The following ANKRD33B variants were observed in gnomAD, a reference collection of about 807,000 sequenced individuals.
The protein encoded by ANKRD33B is ankyrin repeat domain 33B, also known as ankyrin repeat domain-containing protein 33B.
A neutral mutation model predicts 21.5 loss-of-function variants in ANKRD33B; 6 were observed. That is an observed-to-expected ratio of 0.28 (90% CI 0.15 to 0.55). The LOEUF is 0.55. Among genes scored for constraint, ANKRD33B ranks in the 20% least tolerant of loss-of-function variants. The pLI is 0.94. For missense variants in ANKRD33B, 698 were observed against 747.2 expected, an observed-to-expected ratio of 0.93 and a Z score of 0.77; for synonymous variants, 347 against 342.4, an observed-to-expected ratio of 1.01 and a Z score of -0.15.
rs562743139 is a variant in ANKRD33B, at chr5:10,597,070, AAC to A, written c.367-21260_367-21259del. ...TAGCACTAAATATGGAAAGGAAAAA[AAC>A]ACTCCCAGCCACAACACACTGAAGT... On this transcript the variant is annotated intron_variant, in intron 1 of 3. Transcript: ENST00000296657. Among the ~76,000 whole-genome samples the A allele has an allele frequency of 2.6e-5, 4 of 152,270 alleles. No individual in the cohort carries two copies. In the East Asian group the frequency reaches 7.7e-4, roughly 29 times the overall value.
intron 1 of ANKRD33B, among the ~76,000 whole-genome samples, chr5:10,595,552 C>T (rs560077376): frequency 3.3e-5 from 5 of 152,176 alleles, no homozygotes; most frequent in Admixed American, 2.0e-4. Context: ...TCACAGCGAC[C>T]GGGGTTAGGA....
At position 10,570,005 on chromosome 5, in the gene ANKRD33B, T is replaced by C. The variant is rs146550564; in HGVS notation, c.366+5172T>C. 8.1e-4 allele frequency among the ~76,000 whole-genome samples: 124 copies of C among 152,284 alleles called. No homozygotes were observed. In the East Asian group the frequency reaches 0.022, roughly 27 times the overall value. On this transcript the variant is annotated intron_variant, in intron 1 of 3. Transcript: ENST00000296657. Reference sequence around the variant, plus strand: ...GATTCTCCCGACTCAGCCTCCTGAGTAGCTGGGATTACAGGCATGTGCCAC... The same window carrying C: ...GATTCTCCCGACTCAGCCTCCTGAGCAGCTGGGATTACAGGCATGTGCCAC...
Position 10,650,059 on chromosome 5 carries a change from C to T in ANKRD33B, c.1431C>T (p.Arg477=). The T allele has an allele frequency of 3.3e-6, 5 of 1,530,950 alleles. No homozygotes were observed. Among genetic ancestry groups the T allele is most frequent in the Non-Finnish European group, 4.4e-6 (5 of 1,143,600 alleles). 94.8% of individuals were successfully genotyped at this position (1,530,950 alleles called of 1,614,324 possible). A position where few individuals can be genotyped will look rare whatever the true frequency, so the allele number is the denominator to read the frequency against. ...KRKAEEAEKK[R]QAEAQKERRT... ...AGGCAGAGGAGGCCGAAAAGAAGCG[C>T]CAGGCCGAGGCGCAGAAGGAGAGGC... The change falls in exon 4 of 4, where the codon CGC becomes CGT. Residue 477 remains arginine (R), a synonymous_variant. Transcript: ENST00000296657.
chr5:10,650,901 T>C lies in ANKRD33B; in HGVS notation c.*788T>C, dbSNP rs1170588080. 1 of 152,356 alleles carries C rather than the reference T, an allele frequency of 6.6e-6. No individual in the cohort carries two copies. Among genetic ancestry groups the C allele is most frequent in the Non-Finnish European group, 1.5e-5 (1 of 68,036 alleles). 9.4% of individuals were successfully genotyped at this position (152,356 alleles called of 1,614,324 possible). On this transcript the variant is annotated 3_prime_UTR_variant, in exon 4 of 4. Transcript: ENST00000296657. ...AGCAAGGGGTTTTAGGTAAACTGGA[T>C]ACGAAATCTTTAACATTAAAAATAG...
chr5:10,623,227 C>T (rs561077410), intron 2 of ANKRD33B, among the ~76,000 whole-genome samples: 2 of 152,180 alleles, frequency 1.3e-5, no homozygotes, highest in Non-Finnish European at 2.9e-5. Context: ...TCCCCATAGA[C>T]CACCTCTCCT....
chr5:10,651,909 G>T lies in ANKRD33B; in HGVS notation c.*1796G>T. 6.6e-6 allele frequency: 1 copy of T among 152,584 alleles called. No homozygotes were observed. Among genetic ancestry groups the T allele is most frequent in the Non-Finnish European group, 1.5e-5 (1 of 68,110 alleles). 9.5% of individuals were successfully genotyped at this position (152,584 alleles called of 1,614,324 possible). A position where few individuals can be genotyped will look rare whatever the true frequency, so the allele number is the denominator to read the frequency against. On this transcript the variant is annotated 3_prime_UTR_variant, in exon 4 of 4. Coordinates refer to ENST00000296657, the MANE Select transcript of ANKRD33B (RefSeq NM_001164440.2). ...AGTGTTTAAGATGAGATTGCAGTGA[G>T]TTCCTCCTTAATCCCAGAAGGGCAC... is the stretch of plus-strand genomic sequence containing the variant.
At chr5:10,589,780 C>T (rs909853021) in intron 1 of ANKRD33B, among the ~76,000 whole-genome samples, 6 of 152,088 alleles carry the variant, frequency 3.9e-5, no homozygotes, top group Admixed American at 6.6e-5. Context: ...CCTGAATATG[C>T]GGCTTGATAT....
At position 10,619,510 on chromosome 5, in the gene ANKRD33B, G is replaced by A; in HGVS notation, c.496+1048G>A. ...TGATGGGTGGGGGGCCAGGGAGGCT[G>A]GAAAACCAGTGTTTGACAGTTTCAT... On this transcript the variant is annotated intron_variant, in intron 2 of 3. Coordinates refer to ENST00000296657, the MANE Select transcript of ANKRD33B (RefSeq NM_001164440.2). The surrounding 1 kb of genome is among the most constrained non-coding windows in gnomAD (Gnocchi z 4.5). 2.5e-6 allele frequency: 1 copy of A among 395,690 alleles called. No individual in the cohort carries two copies. The highest frequency in any genetic ancestry group is 3.4e-6 in the Non-Finnish European group (1 of 291,090). 24.5% of individuals were successfully genotyped at this position (395,690 alleles called of 1,614,324 possible). A position where few individuals can be genotyped will look rare whatever the true frequency, so the allele number is the denominator to read the frequency against.
chr5:10,635,319 C>G (rs1579750456), intron 2 of ANKRD33B, among the ~76,000 whole-genome samples: 1 of 152,194 alleles, frequency 6.6e-6, no homozygotes, highest in African/African-American at 2.4e-5. Context: ...GGACCATAAA[C>G]CAAACTGAGA....
rs147852550 is a variant in ANKRD33B, at chr5:10,640,900, G to C, written c.637+2732G>C. On this transcript the variant is annotated intron_variant, in intron 3 of 3. Transcript: ENST00000296657. ...CTTACTGTCTCCTCTCATGGCAGAG[G>C]GGACACCGAGGTACCCTCAAACCCT... Among the ~76,000 whole-genome samples the C allele has an allele frequency of 1.9e-3, 293 of 152,324 alleles. 2 individuals are homozygous for C. Among genetic ancestry groups the C allele is most frequent in the African/African-American group, 6.7e-3 (277 of 41,570 alleles).
intron 1 of ANKRD33B, among the ~76,000 whole-genome samples, chr5:10,602,156 G>C (rs1735948298): frequency 6.6e-6 from 1 of 152,222 alleles, no homozygotes; most frequent in Admixed American, 6.5e-5. Flanking sequence ...GAGCAACCTC[G>C]GTGCCTGGGT....
intron 1 of ANKRD33B, among the ~76,000 whole-genome samples, chr5:10,583,409 G>A (rs535793108): frequency 5.3e-5 from 8 of 152,324 alleles, no homozygotes; most frequent in South Asian, 2.1e-4. Context: ...GGACATTTTG[G>A]TTCTAATAAT....
intron 2 of ANKRD33B, among the ~76,000 whole-genome samples, chr5:10,636,562 A>G (rs1175921595): frequency 2.0e-5 from 3 of 152,190 alleles, no homozygotes; most frequent in Non-Finnish European, 2.9e-5. Context: ...CACTACAGTG[A>G]GCTATGATCG....
At chr5:10,633,467 A>G (rs1180318592) in intron 2 of ANKRD33B, among the ~76,000 whole-genome samples, 1 of 152,208 alleles carries the variant, frequency 6.6e-6, no homozygotes, top group Non-Finnish European at 1.5e-5. Context: ...AACCACAAAC[A>G]CTGTACAGAG....
intron 1 of ANKRD33B, among the ~76,000 whole-genome samples, chr5:10,590,438 A>G (rs1735656234): frequency 6.6e-6 from 1 of 152,130 alleles, no homozygotes; most frequent in South Asian, 2.1e-4. Flanking sequence ...TTGGCTTCCT[A>G]TAGAAATATG....
chr5:10,605,511 TTC>T (rs1312799457), intron 1 of ANKRD33B, among the ~76,000 whole-genome samples: 1 of 151,550 alleles, frequency 6.6e-6, no homozygotes, highest in Non-Finnish European at 1.5e-5. Flanking sequence ...CTCATTGAGT[TTC>T]TTTCTTTCCT....
At chr5:10,647,014 G>A (rs781467774) in intron 3 of ANKRD33B, among the ~76,000 whole-genome samples, 6 of 152,164 alleles carry the variant, frequency 3.9e-5, no homozygotes, top group African/African-American at 1.2e-4. Flanking sequence ...TGTCGGGTCC[G>A]GTCCCCTTTG....
rs1579738666 is a variant in ANKRD33B at position 10,618,478 on chromosome 5, C to T, written c.496+16C>T. ...GCACAGGCAGGTAAGAGCTGGCTTT[C>T]CCCTTTCCTCTCAGAGCCGTGGCCA... is the stretch of plus-strand genomic sequence containing the variant. On this transcript the variant is annotated intron_variant, in intron 2 of 3. Coordinates refer to ENST00000296657, the MANE Select transcript of ANKRD33B (RefSeq NM_001164440.2). The T allele has an allele frequency of 2.0e-6, 3 of 1,515,506 alleles. No homozygotes were observed. Among genetic ancestry groups the T allele is most frequent in the Non-Finnish European group, 2.6e-6 (3 of 1,134,456 alleles). 93.9% of individuals were successfully genotyped at this position (1,515,506 alleles called of 1,614,324 possible).
intron 1 of ANKRD33B, among the ~76,000 whole-genome samples, chr5:10,582,949 C>T (rs1348978644): frequency 1.3e-5 from 2 of 150,672 alleles, no homozygotes; most frequent in African/African-American, 2.4e-5. Flanking sequence ...CTGTGCAGTC[C>T]GGCAGTTTGT....
Sources: allele counts gnomAD v4.1 joint callset (sites outside exome capture counted in the v4.1 genomes callset), GRCh38; gene constraint gnomAD v4.1.1; non-coding constraint Gnocchi (gnomAD v3.1); transcripts MANE v1.5; gene names NCBI Gene and HGNC (gene_info 2026-07-23, HGNC 2026-07-21).